ZXDC: variants seen among roughly 807,000 people sequenced by gnomAD.
ZXDC encodes the protein zinc finger protein ZXDC.
In ZXDC, 58 loss-of-function variants were observed where a neutral mutation model predicts 63.6. The ratio of observed to expected loss-of-function variants is 0.91; its 90% CI spans 0.74 to 1.13. The LOEUF (loss-of-function observed/expected upper bound fraction) is 1.13. Among genes scored for constraint, ZXDC ranks in the 50% most tolerant of loss-of-function variants. ZXDC has a pLI of 0.00. For synonymous variants in ZXDC, 561 were observed against 496.1 expected (o/e 1.13, Z -1.74); for missense variants, 1,133 against 1,148.9 (o/e 0.99, Z 0.20).
At position 126,439,785 on chromosome 3, in the gene ZXDC, T is replaced by A. The variant is rs1933608917; in HGVS notation, c.2395-58A>T. 7.3e-6 allele frequency: 11 copies of A among 1,510,096 alleles called. No homozygotes were observed. The Admixed American group carries it at 2.3e-4, about 32-fold the overall frequency. The allele number at this position is 1,510,096 out of a possible 1,614,324, so 93.5% of individuals were successfully genotyped here. On this transcript the variant is annotated intron_variant, in intron 8 of 9. Transcript: ENST00000389709. ...GTCTGTGAGAGTGCAGCAAAGGTCC[T>A]CGTCTCACCTGAGAAGTCTCCTCCA...
chr3:126,457,409 C>T (rs1463003315), intron 7 of ZXDC: 3 of 985,274 alleles, frequency 3.0e-6, no homozygotes, highest in Non-Finnish European at 3.6e-6. Context: ...GGAAAAGAGA[C>T]GGTGGCCTTC....
rs1249759497 is a variant in ZXDC at position 126,475,344 on chromosome 3, G to C, written c.522C>G (p.Gly174=). 2.0e-6 allele frequency: 3 copies of C among 1,520,250 alleles called. No individual in the cohort carries two copies. The highest frequency in any genetic ancestry group is 2.2e-4 in the Middle Eastern group (1 of 4,600). The allele number at this position is 1,520,250 out of a possible 1,614,324, so 94.2% of individuals were successfully genotyped here. The change falls in exon 1 of 10, where the codon GGC becomes GGG. Residue 174 remains glycine, a synonymous_variant. Coordinates refer to ENST00000389709, the MANE Select transcript of ZXDC (RefSeq NM_025112.5). The part of the protein sequence containing the change: ...APQASGPSTP[G]YRCPEPQCAL... Reference sequence around the variant, plus strand: ...CGCACTGCGGCTCGGGGCAGCGGTAGCCGGGCGTGCTGGGGCCGGAGGCCT... The same window carrying C: ...CGCACTGCGGCTCGGGGCAGCGGTACCCGGGCGTGCTGGGGCCGGAGGCCT...
intron 9 of ZXDC, 61 bp from the exon 10 acceptor site, chr3:126,438,522 G>C: frequency 1.3e-6 from 2 of 1,481,510 alleles, no homozygotes; most frequent in East Asian, 2.3e-5. Context: ...GGATCCTGTG[G>C]CTCCACACAG....
Position 126,471,034 on chromosome 3 carries a change from C to A in ZXDC, c.1140-9G>T, listed in dbSNP as rs1560105678. ...GGTCATCGTCATGTTTCCTGCCAGACAGAAAAATAAAGGAGCTGTGATTCC... is the reference window on the plus strand; with the variant it reads ...GGTCATCGTCATGTTTCCTGCCAGAAAGAAAAATAAAGGAGCTGTGATTCC... On this transcript the variant is annotated splice_polypyrimidine_tract_variant and intron_variant, in intron 3 of 9. Coordinates refer to ENST00000389709, the MANE Select transcript of ZXDC (RefSeq NM_025112.5). 1 of 1,612,160 alleles carries A rather than the reference C, an allele frequency of 6.2e-7. No individual in the cohort carries two copies. Among genetic ancestry groups the A allele is most frequent in the East Asian group, 2.2e-5 (1 of 44,836 alleles).
chr3:126,470,253 C>T (rs1560105192), intron 4 of ZXDC, among the ~76,000 whole-genome samples: 1 of 152,140 alleles, frequency 6.6e-6, no homozygotes, highest in Admixed American at 6.5e-5. Context: ...GATCACTTGA[C>T]GTCAGGAGTT....
chr3:126,454,411 CTTT>C (rs1934231930), intron 7 of ZXDC: 3 of 985,414 alleles, frequency 3.0e-6, no homozygotes, highest in Non-Finnish European at 3.6e-6. Flanking sequence ...GAAAAATCTT[CTTT>C]GTCCCCATGC....
chr3:126,457,258 T>C (rs1934344665), intron 7 of ZXDC: 1 of 985,100 alleles, frequency 1.0e-6, no homozygotes, highest in Non-Finnish European at 1.2e-6. Context: ...GATGCTGCTT[T>C]GAGGGGAGGC....
At chr3:126,438,713 C>A (rs1365242423) in intron 9 of ZXDC, among the ~76,000 whole-genome samples, 2 of 152,226 alleles carry the variant, frequency 1.3e-5, no homozygotes, top group Admixed American at 6.5e-5. Context: ...TACCCATATG[C>A]CTTTTTACAG....
Position 126,474,512 on chromosome 3 carries a change from C to G in ZXDC, c.907+447G>C, listed in dbSNP as rs373041844. Among the ~76,000 whole-genome samples, 11 of 152,322 alleles carry G rather than the reference C, an allele frequency of 7.2e-5. No individual in the cohort carries two copies. In the East Asian group the frequency reaches 1.5e-3, roughly 21 times the overall value. On this transcript the variant is annotated intron_variant, in intron 1 of 9. Transcript: ENST00000389709. Reference sequence around the variant, plus strand: ...ATCAAAGTGCAAAAGGCAAAAAAAGCCAGGATGTGCGCACACCTGTGGCTA... The same window carrying G: ...ATCAAAGTGCAAAAGGCAAAAAAAGGCAGGATGTGCGCACACCTGTGGCTA...
intron 7 of ZXDC, among the ~76,000 whole-genome samples, chr3:126,448,497 C>T (rs1217421969): frequency 6.6e-6 from 1 of 152,180 alleles, no homozygotes; most frequent in Non-Finnish European, 1.5e-5. Context: ...ACAGACACCA[C>T]CCTTGAGGAG....
chr3:126,439,975 C>T lies in ZXDC; in HGVS notation c.2395-248G>A, dbSNP rs532279262. On this transcript the variant is annotated intron_variant, in intron 8 of 9. Transcript: ENST00000389709. Reference sequence around the variant, plus strand: ...GCTGGGCCTGGAACCTTCTGCTCTCCAGCTCCTCCCCTCAGTCAGCCCAAA... The same window carrying T: ...GCTGGGCCTGGAACCTTCTGCTCTCTAGCTCCTCCCCTCAGTCAGCCCAAA... 2.0e-5 allele frequency: 28 copies of T among 1,375,278 alleles called. No individual in the cohort carries two copies. The African/African-American group carries it at 3.4e-4, about 17-fold the overall frequency. 85.2% of individuals were successfully genotyped at this position (1,375,278 alleles called of 1,614,324 possible). A position where few individuals can be genotyped will look rare whatever the true frequency, so the allele number is the denominator to read the frequency against.
In ZXDC at chr3:126,460,071, G is replaced by GTTA. The variant is rs1166769902; in HGVS notation, c.2128-335_2128-334insTAA. The GTTA allele has an allele frequency of 3.0e-6, 3 of 985,242 alleles. No homozygotes were observed. In the African/African-American group the frequency reaches 5.2e-5, roughly 17 times the overall value. 61.0% of individuals were successfully genotyped at this position (985,242 alleles called of 1,614,324 possible). On this transcript the variant is annotated intron_variant, in intron 6 of 9. Coordinates refer to ENST00000389709, the MANE Select transcript of ZXDC (RefSeq NM_025112.5). ...GAAACAAACACCGAGCCTTGCCTGG[G>GTTA]TAACCCAGGGTCACCTTACCGCGAC...
Position 126,437,899 on chromosome 3 carries a change from A to G in ZXDC, c.*476T>C, listed in dbSNP as rs6796580. On this transcript the variant is annotated 3_prime_UTR_variant, in exon 10 of 10. Transcript: ENST00000389709. The stretch of plus-strand genomic sequence containing the variant: ...GGCAATGGGACCACCTGGGCCCTAC[A>G]GTGTGGCAAAATCAACTTGCCCACA... The G allele has an allele frequency of 0.035, 5,954 of 169,102 alleles. 223 individuals are homozygous for G. Among genetic ancestry groups the G allele is most frequent in the African/African-American group, 0.097 (4,055 of 41,592 alleles). The allele number at this position is 169,102 out of a possible 1,614,324, so 10.5% of individuals were successfully genotyped here.
rs1336167232 is a variant in ZXDC at position 126,462,120 on chromosome 3, G to C, written c.1542C>G (p.Leu514=). The change falls in exon 6 of 10, where the codon CTC becomes CTG. Residue 514 remains leucine (L), a synonymous_variant. Transcript: ENST00000389709. ...TAGCATTGGCAGGTGTGTCAGAGAA[G>C]AGTGCAGCAAGATCCATGTTAGTGA... ...SELTNMDLAA[L]FSDTPANASG... The C allele has an allele frequency of 6.2e-7, 1 of 1,613,822 alleles. No individual in the cohort carries two copies. Among genetic ancestry groups the C allele is most frequent in the East Asian group, 2.2e-5 (1 of 44,896 alleles).
intron 7 of ZXDC, chr3:126,451,230 C>A (rs1560093349): frequency 8.1e-6 from 8 of 985,382 alleles, no homozygotes; most frequent in Non-Finnish European, 9.6e-6. Context: ...CAGGAAAACA[C>A]CACTTCATGC....
intron 7 of ZXDC, chr3:126,452,527 T>C (rs1934147342): frequency 1.0e-6 from 1 of 985,312 alleles, no homozygotes; most frequent in African/African-American, 1.7e-5. Context: ...GTAAATCAAA[T>C]ACAGGATTTG....
At chr3:126,467,534 T>G (rs1934821334) in intron 4 of ZXDC, among the ~76,000 whole-genome samples, 1 of 152,202 alleles carries the variant, frequency 6.6e-6, no homozygotes, top group Non-Finnish European at 1.5e-5. Flanking sequence ...AGGGATATTT[T>G]AAGGAAAGAG....
Position 126,451,943 on chromosome 3 carries a change from A to T in ZXDC, c.2212+7710T>A, listed in dbSNP as rs1934120263. ...CATGTGAAGGACACACGACAAAAAG[A>T]ACAAGGGCAGGCTGCCCCCACAGCT... On this transcript the variant is annotated intron_variant, in intron 7 of 9. Transcript: ENST00000389709. 6 of 985,464 alleles carry T rather than the reference A, an allele frequency of 6.1e-6. No individual in the cohort carries two copies. The South Asian group carries it at 1.4e-4, about 23-fold the overall frequency. The allele number at this position is 985,464 out of a possible 1,614,324, so 61.0% of individuals were successfully genotyped here. A position where few individuals can be genotyped will look rare whatever the true frequency, so the allele number is the denominator to read the frequency against.
chr3:126,475,854 C>G lies in ZXDC; in HGVS notation c.12G>C (p.Pro4=). The G allele has an allele frequency of 9.3e-7, 1 of 1,077,884 alleles. No individual in the cohort carries two copies. Among genetic ancestry groups the G allele is most frequent in the Non-Finnish European group, 1.1e-6 (1 of 890,494 alleles). 66.8% of individuals were successfully genotyped at this position (1,077,884 alleles called of 1,614,324 possible). The stretch of plus-strand genomic sequence containing the variant: ...GCGCAGTCGGGGCGGGGAGCAGCGC[C>G]GGGAGGTCCATCTTGGTCCCAGCGA... The part of the protein sequence containing the change: MDL[P]ALLPAPTARG... The change falls in exon 1 of 10, where the codon CCG becomes CCC. Residue 4 remains proline, a synonymous_variant. Coordinates refer to ENST00000389709, the MANE Select transcript of ZXDC (RefSeq NM_025112.5).
Sources: gnomAD v4.1 joint callset for allele counts (sites outside exome capture counted in the v4.1 genomes callset) on GRCh38, gnomAD v4.1.1 for gene constraint, MANE v1.5 for transcripts, NCBI Gene and HGNC (gene_info 2026-07-23, HGNC 2026-07-21) for gene names.